Variants in CDA observed in about 807,000 individuals in gnomAD.
CDA encodes the protein cytidine aminohydrolase.
Under a neutral mutation model 15.0 loss-of-function variants are expected in CDA, and 7 were observed. That is an observed-to-expected ratio of 0.47 (90% CI 0.26 to 0.87). CDA has a LOEUF of 0.87. Among genes scored for constraint, CDA ranks in the 40% least tolerant of loss-of-function variants. The probability of loss-of-function intolerance (pLI) is 0.15; values close to 1 mark genes in which losing one functional copy is unlikely to be tolerated. For synonymous variants in CDA, 58 were observed against 73.0 expected (o/e 0.79, Z 1.05); for missense variants, 159 against 182.7 (o/e 0.87, Z 0.75).
chr1:20,607,746 C>T lies in CDA; in HGVS notation c.266+2707C>T, dbSNP rs184213753. 2.1e-4 allele frequency among the ~76,000 whole-genome samples: 32 copies of T among 152,288 alleles called. No homozygotes were observed. In the East Asian group the frequency reaches 4.8e-3, roughly 23 times the overall value. ...GGTATTCAGCTCAGTTTCCCTGAGC[C>T]CAAGATGCACTCATTATCGCACTCA... On this transcript the variant is annotated intron_variant, in intron 2 of 3. Coordinates refer to ENST00000375071, the MANE Select transcript of CDA (RefSeq NM_001785.3).
At chr1:20,599,868 A>G (rs2052626116) in intron 1 of CDA, among the ~76,000 whole-genome samples, 1 of 152,114 alleles carries the variant, frequency 6.6e-6, no homozygotes, top group Admixed American at 6.5e-5. Context: ...AGTGATCTCA[A>G]TTTATTCTCA....
At chr1:20,590,155 G>A (rs2052536329) in intron 1 of CDA, among the ~76,000 whole-genome samples, 1 of 152,150 alleles carries the variant, frequency 6.6e-6, no homozygotes, top group Non-Finnish European at 1.5e-5. Context: ...TGACTTGCCT[G>A]GGTCTTAAAC....
intron 1 of CDA, among the ~76,000 whole-genome samples, chr1:20,590,644 A>G (rs1333483122): frequency 2.0e-5 from 3 of 152,044 alleles, no homozygotes; most frequent in African/African-American, 2.4e-5. Context: ...ATCACTGTCC[A>G]CTTATGTATC....
chr1:20,595,930 C>G (rs140553675), intron 1 of CDA, among the ~76,000 whole-genome samples: 2 of 151,238 alleles, frequency 1.3e-5, no homozygotes, highest in Non-Finnish European at 2.9e-5. Flanking sequence ...GGGTGGATCA[C>G]CTGAGGTCAG....
At chr1:20,603,804 G>A (rs1034164057) in intron 1 of CDA, among the ~76,000 whole-genome samples, 5 of 152,170 alleles carry the variant, frequency 3.3e-5, no homozygotes, top group African/African-American at 9.7e-5. Flanking sequence ...TGATTTGTTC[G>A]TAGACTCACT....
chr1:20,613,485 G>A (rs763018517), intron 2 of CDA, among the ~76,000 whole-genome samples: 10 of 152,192 alleles, frequency 6.6e-5, no homozygotes, highest in African/African-American at 2.4e-4. Context: ...GATTACAGGC[G>A]TGAGCTACCA....
In CDA at chr1:20,594,849, G is replaced by A. The variant is rs556343557; in HGVS notation, c.154+5566G>A. Among the ~76,000 whole-genome samples the A allele has an allele frequency of 2.8e-4, 42 of 152,110 alleles. No individual in the cohort carries two copies. In the South Asian group the frequency reaches 8.5e-3, roughly 31 times the overall value. ...AAAGAAAGCAAAGAAAATGGTCCAC[G>A]GAAACGGAGTCAGCTCCGGGCCTTG... On this transcript the variant is annotated intron_variant, in intron 1 of 3. Coordinates refer to ENST00000375071, the MANE Select transcript of CDA (RefSeq NM_001785.3).
At chr1:20,613,817 T>G in intron 2 of CDA, 25 bp from the exon 3 acceptor site, 1 of 1,610,880 alleles carries the variant, frequency 6.2e-7, no homozygotes, top group African/African-American at 1.3e-5. Flanking sequence ...GAGACTAATT[T>G]GAGTTTGATT....
intron 1 of CDA, among the ~76,000 whole-genome samples, chr1:20,597,299 A>T (rs1294428935): frequency 1.3e-5 from 2 of 152,166 alleles, no homozygotes; most frequent in Non-Finnish European, 2.9e-5. Flanking sequence ...ATACAAAAAA[A>T]ATTAGCCGGG....
rs555409608 is a variant in CDA, at chr1:20,618,406, C to A, written c.325-46C>A. The A allele has an allele frequency of 6.1e-5, 68 of 1,119,758 alleles. No homozygotes were observed. The Admixed American group carries it at 1.1e-3, about 17-fold the overall frequency. The allele number at this position is 1,119,758 out of a possible 1,614,324, so 69.4% of individuals were successfully genotyped here. ...ACTCAGACCCAGTCCGTCTCAGCCC[C>A]CTCAGCCACGCTGTGTCTCTCACGC... On this transcript the variant is annotated intron_variant, in intron 3 of 3. Coordinates refer to ENST00000375071, the MANE Select transcript of CDA (RefSeq NM_001785.3).
intron 1 of CDA, among the ~76,000 whole-genome samples, chr1:20,600,775 GA>G (rs2052636615): frequency 6.8e-6 from 1 of 146,116 alleles, no homozygotes; most frequent in East Asian, 2.0e-4. Flanking sequence ...AAAAAGAAAA[GA>G]GAAGAAAAAG....
chr1:20,608,884 CG>C (rs942110207), intron 2 of CDA, among the ~76,000 whole-genome samples: 69 of 152,240 alleles, frequency 4.5e-4, no homozygotes, highest in African/African-American at 1.6e-3. Context: ...GTGATAAGAG[CG>C]CCTGCATACC....
chr1:20,599,099 A>T (rs1329471556), intron 1 of CDA, among the ~76,000 whole-genome samples: 3 of 152,180 alleles, frequency 2.0e-5, no homozygotes, highest in African/African-American at 7.2e-5. Flanking sequence ...AGAAGGTGAC[A>T]TTTGAGCAGA....
chr1:20,589,385 C>T (rs752903949), intron 1 of CDA, 102 bp downstream of exon 1: 31 of 1,159,564 alleles, frequency 2.7e-5, no homozygotes, highest in Non-Finnish European at 3.1e-5. Flanking sequence ...GTGGCAAGAG[C>T]GCGGCTCTGT....
In CDA at chr1:20,605,024, C is replaced by A. The variant is rs1261274615; in HGVS notation, c.251C>A (p.Ala84Glu). ...TCAGAAGGGTACAAGGATTTCAGGG[C>A]AATTGCTATCGCCAGGTGAGTGGGA... ...AVSEGYKDFR[A>E]IAIASDMQDD... Residue 84 changes from alanine to glutamate, a missense_variant, in exon 2 of 4, where the codon GCA becomes GAA. Ala to Glu is a moderately radical substitution (Grantham distance 107, BLOSUM62 -1). Transcript: ENST00000375071. 7.5e-6 allele frequency: 12 copies of A among 1,610,086 alleles called. No homozygotes were observed. Among genetic ancestry groups the A allele is most frequent in the Non-Finnish European group, 1.0e-5 (12 of 1,176,470 alleles).
Position 20,613,772 on chromosome 1 carries a change from GC to G in CDA, c.267-68del. The G allele has an allele frequency of 2.1e-6, 3 of 1,398,150 alleles. No homozygotes were observed. In the South Asian group the frequency reaches 3.5e-5, roughly 16 times the overall value. The allele number at this position is 1,398,150 out of a possible 1,614,324, so 86.6% of individuals were successfully genotyped here. On this transcript the variant is annotated intron_variant, in intron 2 of 3. Coordinates refer to ENST00000375071, the MANE Select transcript of CDA (RefSeq NM_001785.3). ...AATCAGGAACAGACCGAGTCTCAGGGCCTGAATCTTAGCAATTGTCCTCAGT... is the reference window on the plus strand; with the variant it reads ...AATCAGGAACAGACCGAGTCTCAGGGCTGAATCTTAGCAATTGTCCTCAGT...
At chr1:20,606,181 C>T (rs526987) in intron 2 of CDA, among the ~76,000 whole-genome samples, 68,011 of 104,540 alleles carry the variant, frequency 0.65, 26,983 homozygotes, top group East Asian at 0.77. Context: ...TTAAGGCTTC[C>T]GGAGGAATAA....
chr1:20,598,303 G>T (rs1292605099), intron 1 of CDA, among the ~76,000 whole-genome samples: 1 of 152,130 alleles, frequency 6.6e-6, no homozygotes, highest in African/African-American at 2.4e-5. Context: ...TGCCACATGA[G>T]GAATAGTGTT....
At chr1:20,596,154 A>G (rs2052590193) in intron 1 of CDA, among the ~76,000 whole-genome samples, 1 of 152,144 alleles carries the variant, frequency 6.6e-6, no homozygotes, top group Non-Finnish European at 1.5e-5. Flanking sequence ...CATCTCGAAA[A>G]AAAAAATTGT....
Sources: gnomAD v4.1 joint callset for allele counts (sites outside exome capture counted in the v4.1 genomes callset) on GRCh38, gnomAD v4.1.1 for gene constraint, MANE v1.5 for transcripts, NCBI Gene and HGNC (gene_info 2026-07-23, HGNC 2026-07-21) for gene names.